CNTNAP4: variants seen among roughly 807,000 people sequenced by gnomAD.
CNTNAP4 encodes contactin associated protein family member 4.
CNTNAP4 carries 98 observed loss-of-function variants against 148.4 expected under a neutral mutation model. The observed-to-expected ratio is 0.66, with a 90% CI of 0.56 to 0.78. The LOEUF (loss-of-function observed/expected upper bound fraction) is 0.78, where lower values mean the gene tolerates loss of function less well. CNTNAP4 is among the 30% of genes least tolerant of loss of function. The pLI is 0.00. For missense variants in CNTNAP4, 1,935 were observed against 1,565.6 expected, an observed-to-expected ratio of 1.24 and a Z score of -3.98; for synonymous variants, 730 against 565.1, an observed-to-expected ratio of 1.29 and a Z score of -4.14.
intron 1 of CNTNAP4, among the ~76,000 whole-genome samples, chr16:76,299,693 C>G (rs917200478): frequency 3.9e-5 from 6 of 152,138 alleles, no homozygotes; most frequent in Admixed American, 1.3e-4. Context: ...GACACACGCA[C>G]AGGTATGTTT....
chr16:76,515,217 A>G (rs1031032956), intron 15 of CNTNAP4, among the ~76,000 whole-genome samples: 1 of 152,248 alleles, frequency 6.6e-6, no homozygotes, highest in African/African-American at 2.4e-5. Flanking sequence ...TATAGAATAT[A>G]TGAAGAATCC....
intron 3 of CNTNAP4, among the ~76,000 whole-genome samples, chr16:76,389,612 C>G (rs2016792162): frequency 2.0e-5 from 3 of 152,042 alleles, no homozygotes; most frequent in African/African-American, 7.2e-5. Context: ...TGCCACCAAG[C>G]CCAACTATTT....
intron 3 of CNTNAP4, among the ~76,000 whole-genome samples, chr16:76,367,402 T>C (rs2014271343): frequency 6.6e-6 from 1 of 151,900 alleles, no homozygotes; most frequent in African/African-American, 2.4e-5. Context: ...CCAAATGCCA[T>C]AAAGGAAAAG....
intron 12 of CNTNAP4, among the ~76,000 whole-genome samples, chr16:76,484,295 A>AAAAAAAAAT (rs1597696380): frequency 6.7e-6 from 1 of 150,212 alleles, no homozygotes; most frequent in Non-Finnish European, 1.5e-5. Context: ...AAAAAAAAAA[A>AAAAAAAAAT]GACTGGAGTC....
chr16:76,464,562 T>C (rs2081109143), intron 9 of CNTNAP4, among the ~76,000 whole-genome samples: 2 of 152,224 alleles, frequency 1.3e-5, no homozygotes, highest in Non-Finnish European at 2.9e-5. Context: ...AGCCAGTTTA[T>C]GTTCAAGTAA....
intron 4 of CNTNAP4, among the ~76,000 whole-genome samples, chr16:76,438,563 A>G (rs935899383): frequency 3.9e-5 from 6 of 152,088 alleles, no homozygotes; most frequent in African/African-American, 1.4e-4. Context: ...CAAAACCAAA[A>G]TAGACTTATC....
intron 3 of CNTNAP4, among the ~76,000 whole-genome samples, chr16:76,363,818 ATCT>A (rs527846904): frequency 1.1e-3 from 166 of 152,314 alleles, no homozygotes; most frequent in African/African-American, 3.3e-3. Context: ...TTTGCTAGGC[ATCT>A]TCTTCATTAA....
At chr16:76,541,150 TAAAAC>T (rs973379580) in intron 21 of CNTNAP4, among the ~76,000 whole-genome samples, 1 of 152,242 alleles carries the variant, frequency 6.6e-6, no homozygotes, top group African/African-American at 2.4e-5. Flanking sequence ...CCTCTAATGA[TAAAAC>T]TAAGATTAGA....
rs539091738 is a variant in CNTNAP4 at position 76,278,797 on chromosome 16, A to G, written c.85+1050A>G. 7.9e-5 allele frequency among the ~76,000 whole-genome samples: 12 copies of G among 152,328 alleles called. No homozygotes were observed. The East Asian group carries it at 2.3e-3, about 29-fold the overall frequency. ...GCAGTAATCAGACATTTGCTATGGC[A>G]TATCACTTGACTATGTTAAGAGTTC... On this transcript the variant is annotated intron_variant, in intron 1 of 23. Coordinates refer to ENST00000611870, the MANE Select transcript of CNTNAP4 (RefSeq NM_033401.5).
intron 17 of CNTNAP4, among the ~76,000 whole-genome samples, chr16:76,523,377 A>AT (rs975339772): frequency 1.1e-4 from 16 of 149,926 alleles, no homozygotes; most frequent in East Asian, 2.0e-4. Flanking sequence ...CATTTTGCCC[A>AT]TTTTTTTTTC....
At chr16:76,435,211 C>G (rs186326707) in intron 4 of CNTNAP4, among the ~76,000 whole-genome samples, 3 of 152,098 alleles carry the variant, frequency 2.0e-5, no homozygotes, top group Non-Finnish European at 2.9e-5. Context: ...CTGTGATTCT[C>G]TGTTTTTATA....
At chr16:76,424,560 C>G (rs373574296) in intron 3 of CNTNAP4, among the ~76,000 whole-genome samples, 1 of 152,140 alleles carries the variant, frequency 6.6e-6, no homozygotes, top group South Asian at 2.1e-4. Context: ...TTGAGACCAG[C>G]CTGGCCAACA....
intron 1 of CNTNAP4, among the ~76,000 whole-genome samples, chr16:76,284,035 CTA>C (rs1958789254): frequency 1.3e-5 from 2 of 151,936 alleles, no homozygotes; most frequent in Non-Finnish European, 2.9e-5. Context: ...CTTCCATGCT[CTA>C]GTGTTTCAAT....
chr16:76,394,925 C>A (rs1245659092), intron 3 of CNTNAP4, among the ~76,000 whole-genome samples: 1 of 152,140 alleles, frequency 6.6e-6, no homozygotes, highest in South Asian at 2.1e-4. Flanking sequence ...ACTTAGGGCT[C>A]TGTGACTCCT....
rs761908594 is a variant in CNTNAP4, at chr16:76,560,573, A to T, written c.*1890A>T. On this transcript the variant is annotated 3_prime_UTR_variant, in exon 24 of 24. Coordinates refer to ENST00000611870, the MANE Select transcript of CNTNAP4 (RefSeq NM_033401.5). ...TTCATGTTATTTAGTAGCGGTATTA[A>T]CCTCATTGGTAGCTGAACTCTAGGG... Among the ~76,000 whole-genome samples the T allele has an allele frequency of 2.0e-5, 3 of 152,116 alleles. No homozygotes were observed. Among genetic ancestry groups the T allele is most frequent in the Non-Finnish European group, 2.9e-5 (2 of 68,024 alleles).
In CNTNAP4 at chr16:76,507,204, T is replaced by G. The variant is rs1343482997; in HGVS notation, c.2365+8510T>G. ...ATTGGGTATTCACCCCTTTAAGCAT[T>G]TATCCTTTGTGTTACAAATAATCTA... On this transcript the variant is annotated intron_variant, in intron 15 of 23. Transcript: ENST00000611870. Among the ~76,000 whole-genome samples the G allele has an allele frequency of 2.0e-5, 2 of 97,600 alleles. 1 individual carries two copies. The highest frequency in any genetic ancestry group is 5.8e-5 in the Non-Finnish European group (2 of 34,296). 64.0% of individuals were successfully genotyped at this position (97,600 alleles called of 152,430 possible).
intron 23 of CNTNAP4, among the ~76,000 whole-genome samples, chr16:76,554,581 C>A (rs751027452): frequency 6.6e-6 from 1 of 151,750 alleles, no homozygotes; most frequent in African/African-American, 2.4e-5. Flanking sequence ...AAAAAACAAG[C>A]TTTTTTTCTT....
intron 3 of CNTNAP4, among the ~76,000 whole-genome samples, chr16:76,416,439 C>A (rs1597467980): frequency 6.6e-6 from 1 of 151,110 alleles, no homozygotes; most frequent in Admixed American, 6.6e-5. Context: ...CTCTATCCTG[C>A]GTATTTTGAT....
chr16:76,474,917 T>A (rs13331383), intron 10 of CNTNAP4, among the ~76,000 whole-genome samples: 5,909 of 152,218 alleles, frequency 0.039, 285 homozygotes, highest in African/African-American at 0.11. Flanking sequence ...TTGGAAAAAA[T>A]TATTTTTAAT....
Sources: gnomAD v4.1 joint callset for allele counts (sites outside exome capture counted in the v4.1 genomes callset) on GRCh38, gnomAD v4.1.1 for gene constraint, MANE v1.5 for transcripts, NCBI Gene and HGNC (gene_info 2026-07-23, HGNC 2026-07-21) for gene names.